PEAR1: variants seen among roughly 807,000 people sequenced by gnomAD.
PEAR1 encodes platelet endothelial aggregation receptor 1.
A neutral mutation model predicts 131.2 loss-of-function variants in PEAR1; 113 were observed. The ratio of observed to expected loss-of-function variants is 0.86; its 90% CI spans 0.74 to 1.01. The LOEUF (loss-of-function observed/expected upper bound fraction) is 1.01, where lower values mean the gene tolerates loss of function less well. Among genes scored for constraint, PEAR1 ranks in the 50% least tolerant of loss-of-function variants. The probability of loss-of-function intolerance (pLI) is 0.00; values close to 1 mark genes in which losing one functional copy is unlikely to be tolerated. For missense variants in PEAR1, 1,408 were observed against 1,391.1 expected (o/e 1.01, Z -0.19); for synonymous variants, 565 against 523.3 (o/e 1.08, Z -1.09).
At chr1:156,910,209 C>A in intron 13 of PEAR1, 25 bp from the exon 14 acceptor site, 2 of 1,610,192 alleles carry the variant, frequency 1.2e-6, no homozygotes, top group South Asian at 2.2e-5. Context: ...CCCAGCCAGG[C>A]ACACCCGACT....
At position 156,908,280 on chromosome 1, in the gene PEAR1, A is replaced by T. The variant is rs1156960968; in HGVS notation, c.1055A>T (p.Asp352Val). The change falls in exon 9 of 23, where the codon GAC (aspartate) becomes GTC (valine). Residue 352 changes from aspartate (D) to valine (V), a missense_variant. Coordinates refer to ENST00000292357, the MANE Select transcript of PEAR1 (RefSeq NM_001080471.3). The surrounding 1 kb of genome is among the most constrained non-coding windows in gnomAD (Gnocchi z 4.2). ...CGCTGCACGGATCGCCTCTGCCCCG[A>T]CGGCTTCTACGGTCTCAGCTGCCAG... ...GDRCTDRLCP[D>V]GFYGLSCQAP... The T allele has an allele frequency of 6.3e-7, 1 of 1,581,742 alleles. No individual in the cohort carries two copies. The highest frequency in any genetic ancestry group is 1.1e-5 in the South Asian group (1 of 87,436).
rs1558144291 is a variant in PEAR1 at position 156,911,119 on chromosome 1, T to TTTC, written c.1951+379_1951+381dup. Among the ~76,000 whole-genome samples, 12 of 140,266 alleles carry TTTC rather than the reference T, an allele frequency of 8.6e-5. 2 individuals are homozygous for TTTC. The highest frequency in any genetic ancestry group is 3.4e-4 in the African/African-American group (12 of 35,818). The allele number at this position is 140,266 out of a possible 152,430, so 92.0% of individuals were successfully genotyped here. On this transcript the variant is annotated intron_variant, in intron 15 of 22. Coordinates refer to ENST00000292357, the MANE Select transcript of PEAR1 (RefSeq NM_001080471.3). ...CTTTCTTTCTTTCTTTTCTTTCTTCTTTCTTTCTTTCCTTTCTTTCTTTTC... is the reference window on the plus strand; with the variant it reads ...CTTTCTTTCTTTCTTTTCTTTCTTCTTTCTTCTTTCTTTCCTTTCTTTCTTTTC...
chr1:156,913,202 C>T lies in PEAR1; in HGVS notation c.2431C>T (p.Pro811Ser). 6.2e-7 allele frequency: 1 copy of T among 1,613,564 alleles called. No homozygotes were observed. Among genetic ancestry groups the T allele is most frequent in the Non-Finnish European group, 8.5e-7 (1 of 1,179,796 alleles). ...GSEYVMPDVP[P>S]SYSHYYSNPS... is the part of the protein sequence containing the mutation. ...TTGTGTCTGTCATGCAGATGTCCCT[C>T]CGAGCTACAGTCACTACTACTCCAA... The change falls in exon 19 of 23, where the codon CCG becomes TCG. Residue 811 changes from proline to serine, a missense_variant. Coordinates refer to ENST00000292357, the MANE Select transcript of PEAR1 (RefSeq NM_001080471.3).
chr1:156,910,254 T>G lies in PEAR1; in HGVS notation c.1699T>G (p.Cys567Gly). 1.9e-6 allele frequency: 3 copies of G among 1,612,660 alleles called. No homozygotes were observed. Among genetic ancestry groups the G allele is most frequent in the Non-Finnish European group, 2.5e-6 (3 of 1,179,246 alleles). ...GWMGARCHLS[C>G]PEGLWGVNCS... ...CACAGGTGCCCGCTGCCACCTGTCC[T>G]GCCCTGAGGGCTTATGGGGAGTCAA... is the stretch of plus-strand genomic sequence containing the variant. The change falls in exon 14 of 23, where the codon TGC (cysteine) becomes GGC (glycine). Residue 567 changes from cysteine (C) to glycine (G), a missense_variant. By Grantham distance (159) the Cys-to-Gly change is radical. Coordinates refer to ENST00000292357, the MANE Select transcript of PEAR1 (RefSeq NM_001080471.3).
In PEAR1 at chr1:156,915,071, G is replaced by A. The variant is rs1651742747; in HGVS notation, c.*273G>A. On this transcript the variant is annotated 3_prime_UTR_variant, in exon 23 of 23. Coordinates refer to ENST00000292357, the MANE Select transcript of PEAR1 (RefSeq NM_001080471.3). ...AAACTGGTGGGTTGGAAGTTGCTGG[G>A]TAACTCTGATTTCAGACATGCGTGT... The A allele has an allele frequency of 4.9e-6, 2 of 410,786 alleles. No individual in the cohort carries two copies. Among genetic ancestry groups the A allele is most frequent in the Admixed American group, 4.4e-5 (1 of 22,684 alleles). 25.4% of individuals were successfully genotyped at this position (410,786 alleles called of 1,614,324 possible). A position where few individuals can be genotyped will look rare whatever the true frequency, so the allele number is the denominator to read the frequency against.
At position 156,908,731 on chromosome 1, in the gene PEAR1, GA is replaced by G; in HGVS notation, c.1193del (p.Asp398AlafsTer287). ...GLHCNESCPQ[D>X]THGPGCQEHC... is the part of the protein sequence containing the mutation. ...CCACTGCAACGAGAGCTGCCCGCAGGACACGCATGGGCCAGGGTGCCAGGAG... is the reference window on the plus strand; with the variant it reads ...CCACTGCAACGAGAGCTGCCCGCAGGCACGCATGGGCCAGGGTGCCAGGAG... On this transcript the variant is annotated frameshift_variant, in exon 10 of 23. Transcript: ENST00000292357. LOFTEE classifies it high-confidence loss of function. This position sits in a 1 kb window ranked among gnomAD's most constrained non-coding sequence, Gnocchi z 4.2. The G allele has an allele frequency of 6.4e-7, 1 of 1,559,730 alleles. No homozygotes were observed. Among genetic ancestry groups the G allele is most frequent in the Non-Finnish European group, 8.7e-7 (1 of 1,156,048 alleles).
Position 156,908,396 on chromosome 1 carries a change from G to A in PEAR1, c.1115+56G>A, listed in dbSNP as rs1650624184. 3 of 1,450,390 alleles carry A rather than the reference G, an allele frequency of 2.1e-6. No individual in the cohort carries two copies. Among genetic ancestry groups the A allele is most frequent in the East Asian group, 2.5e-5 (1 of 40,030 alleles). The allele number at this position is 1,450,390 out of a possible 1,614,324, so 89.8% of individuals were successfully genotyped here. ...AGGAGGCCAATGGGGAGGTCTTCCT[G>A]GCCGAAGTCACCACAGAGCCAGGGC... On this transcript the variant is annotated intron_variant, in intron 9 of 22. Transcript: ENST00000292357. The surrounding 1 kb of genome is among the most constrained non-coding windows in gnomAD (Gnocchi z 4.2).
chr1:156,909,091 G>T, intron 11 of PEAR1, 55 bp downstream of exon 11: 1 of 1,608,608 alleles, frequency 6.2e-7, no homozygotes, highest in South Asian at 1.1e-5. Flanking sequence ...AAGGGAAGAA[G>T]GGAGAGTCCA....
rs771180135 is a variant in PEAR1, at chr1:156,914,729, C to A, written c.3045C>A (p.Ile1015=). Residue 1015 remains isoleucine (I), a synonymous_variant, in exon 23 of 23, where the codon ATC becomes ATA. Coordinates refer to ENST00000292357, the MANE Select transcript of PEAR1 (RefSeq NM_001080471.3). ...ATGACTCACCCAAGAACAGCCACAT[C>A]CCTGGACATTATGACTTGCCTCCAG... is the stretch of plus-strand genomic sequence containing the variant. ...GHYDSPKNSH[I]PGHYDLPPVR... 6.2e-6 allele frequency: 10 copies of A among 1,613,986 alleles called. No homozygotes were observed. The African/African-American group carries it at 1.2e-4, about 19-fold the overall frequency.
chr1:156,912,657 C>G lies in PEAR1; in HGVS notation c.2209+35C>G, dbSNP rs527343993. 3 of 1,609,432 alleles carry G rather than the reference C, an allele frequency of 1.9e-6. No individual in the cohort carries two copies. The South Asian group carries it at 3.3e-5, about 18-fold the overall frequency. The stretch of plus-strand genomic sequence containing the variant: ...TTGCCCTCTCCTTCCCACCCATTGT[C>G]CCCAGGGAACTGGGACCTAGGCCCC... On this transcript the variant is annotated intron_variant, in intron 17 of 22. Coordinates refer to ENST00000292357, the MANE Select transcript of PEAR1 (RefSeq NM_001080471.3).
intron 22 of PEAR1, 21 bp downstream of exon 22, chr1:156,914,121 G>T: frequency 6.4e-7 from 1 of 1,560,452 alleles, no homozygotes; most frequent in South Asian, 1.2e-5. Flanking sequence ...CCTCTCCACT[G>T]GCAGGAGCAG....
In PEAR1 at chr1:156,908,649, C is replaced by T. The variant is rs768114598; in HGVS notation, c.1116-6C>T. 8.5e-6 allele frequency: 13 copies of T among 1,520,972 alleles called. No individual in the cohort carries two copies. The South Asian group carries it at 1.6e-4, about 19-fold the overall frequency. The allele number at this position is 1,520,972 out of a possible 1,614,324, so 94.2% of individuals were successfully genotyped here. A position where few individuals can be genotyped will look rare whatever the true frequency, so the allele number is the denominator to read the frequency against. Reference sequence around the variant, plus strand: ...GACCGCGCCACGCCCCCGCCTCTGCCCCCAGCTGCCACCCGATGAACGGGG... The same window carrying T: ...GACCGCGCCACGCCCCCGCCTCTGCTCCCAGCTGCCACCCGATGAACGGGG... On this transcript the variant is annotated splice_region_variant and splice_polypyrimidine_tract_variant and intron_variant, in intron 9 of 22. Coordinates refer to ENST00000292357, the MANE Select transcript of PEAR1 (RefSeq NM_001080471.3). This position sits in a 1 kb window ranked among gnomAD's most constrained non-coding sequence, Gnocchi z 4.2.
intron 20 of PEAR1, 54 bp downstream of exon 20, chr1:156,913,577 T>A (rs1260982364): frequency 6.2e-7 from 1 of 1,605,136 alleles, no homozygotes; most frequent in Middle Eastern, 2.0e-4. Flanking sequence ...GCAGCCCAGA[T>A]GCCGCGTCTG....
intron 11 of PEAR1, among the ~76,000 whole-genome samples, chr1:156,909,269 C>T (rs1194865657): frequency 6.6e-6 from 1 of 152,192 alleles, no homozygotes; most frequent in African/African-American, 2.4e-5. Context: ...CCAAAAGCCA[C>T]CTCACTGGCG....
In PEAR1 at chr1:156,905,089, G is replaced by C. The variant is rs868397991; in HGVS notation, c.207-235G>C. 2.1e-5 allele frequency: 28 copies of C among 1,309,270 alleles called. No individual in the cohort carries two copies. The Admixed American group carries it at 2.4e-4, about 11-fold the overall frequency. 81.1% of individuals were successfully genotyped at this position (1,309,270 alleles called of 1,614,324 possible). Reference sequence around the variant, plus strand: ...AGTATATGCCTGTGGGGTTGGGGGGGGGGCAAGAAGGGAATGCTCTTTCTT... The same window carrying C: ...AGTATATGCCTGTGGGGTTGGGGGGCGGGCAAGAAGGGAATGCTCTTTCTT... On this transcript the variant is annotated intron_variant, in intron 3 of 22. Transcript: ENST00000292357.
intron 12 of PEAR1, 27 bp downstream of exon 12, chr1:156,909,941 G>C (rs201599436): frequency 1.2e-6 from 2 of 1,611,592 alleles, no homozygotes; most frequent in East Asian, 4.5e-5. Flanking sequence ...CTGTCTGCCT[G>C]GGGGTGGGGA....
Position 156,913,875 on chromosome 1 carries a change from G to C in PEAR1, c.2737G>C (p.Gly913Arg). 1.2e-6 allele frequency: 2 copies of C among 1,613,622 alleles called. No individual in the cohort carries two copies. Among genetic ancestry groups the C allele is most frequent in the South Asian group, 1.1e-5 (1 of 90,992 alleles). Residue 913 changes from glycine to arginine, a missense_variant, in exon 22 of 23, where the codon GGG (glycine) becomes CGG (arginine). Coordinates refer to ENST00000292357, the MANE Select transcript of PEAR1 (RefSeq NM_001080471.3). ...NKGLISEEELGASVASLSSEN... is the reference protein window; with the variant it reads ...NKGLISEEELRASVASLSSEN... Reference sequence around the variant, plus strand: ...AGGGCTCATCTCTGAAGAGGAGCTCGGGGCCAGTGTGGCTTCCCTGAGCAG... The same window carrying C: ...AGGGCTCATCTCTGAAGAGGAGCTCCGGGCCAGTGTGGCTTCCCTGAGCAG...
Position 156,904,344 on chromosome 1 carries a change from T to C in PEAR1, c.101+317T>C, listed in dbSNP as rs561159353. Among the ~76,000 whole-genome samples, 273 of 152,200 alleles carry C rather than the reference T, an allele frequency of 1.8e-3. 1 individual carries two copies. The highest frequency in any genetic ancestry group is 0.013 in the South Asian group (64 of 4,818). ...TTCGTTGTGGAGCAAGCAGAGGGGC[T>C]GGCCCAGGGGGAGCAAAGGAAACAG... On this transcript the variant is annotated intron_variant, in intron 2 of 22. Transcript: ENST00000292357.
At chr1:156,906,128 G>T in intron 4 of PEAR1, 148 bp from the exon 5 acceptor site, 1 of 639,796 alleles carries the variant, frequency 1.6e-6, no homozygotes. Context: ...CTGAGTTGCT[G>T]CCCCTCAGTC....
Sources: allele counts gnomAD v4.1 joint callset (sites outside exome capture counted in the v4.1 genomes callset), GRCh38; gene constraint gnomAD v4.1.1; non-coding constraint Gnocchi (gnomAD v3.1); transcripts MANE v1.5; gene names NCBI Gene and HGNC (gene_info 2026-07-23, HGNC 2026-07-21).